The following DLGAP2 variants were observed in gnomAD, a reference collection of about 807,000 sequenced individuals.
DLGAP2 encodes the protein DLG associated protein 2.
DLGAP2 carries 26 observed loss-of-function variants against 100.3 expected under a neutral mutation model. That is an observed-to-expected ratio of 0.26 (90% confidence interval 0.19 to 0.36). The LOEUF (loss-of-function observed/expected upper bound fraction) is 0.36. Ranked by LOEUF, DLGAP2 falls within the 10% of genes least tolerant of loss-of-function variation. The probability of loss-of-function intolerance (pLI) is 1.00; values close to 1 mark genes in which losing one functional copy is unlikely to be tolerated. For missense variants in DLGAP2, 1,858 were observed against 1,453.2 expected (o/e 1.28, Z -4.53); for synonymous variants, 886 against 630.1 (o/e 1.41, Z -6.08).
At chr8:1,350,222 T>G in intron 3 of DLGAP2, among the ~76,000 whole-genome samples, 1 of 142,836 alleles carries the variant, frequency 7.0e-6, no homozygotes, top group African/African-American at 2.6e-5. Flanking sequence ...GCCGTGCGGG[T>G]CCTGAGTGTG....
At chr8:993,843 G>A (rs906167213) in intron 2 of DLGAP2, among the ~76,000 whole-genome samples, 1 of 142,660 alleles carries the variant, frequency 7.0e-6, no homozygotes. Flanking sequence ...TTTCTGTTGA[G>A]GGCCTTTCTA....
At chr8:1,507,058 A>G (rs1799945400) in intron 4 of DLGAP2, among the ~76,000 whole-genome samples, 2 of 152,364 alleles carry the variant, frequency 1.3e-5, no homozygotes, top group South Asian at 2.1e-4. Flanking sequence ...AGCTACACAT[A>G]AAAGTTCTCC....
chr8:848,922 GCGGTGCCTGTTC>G (rs2128987193), intron 1 of DLGAP2, among the ~76,000 whole-genome samples: 1 of 149,690 alleles, frequency 6.7e-6, no homozygotes, highest in Non-Finnish European at 1.5e-5. Context: ...ATAGGAACGC[GCGGTGCCTGTTC>G]CAGCATAGGA....
chr8:1,023,646 C>A (rs555753842), intron 2 of DLGAP2, among the ~76,000 whole-genome samples: 6 of 151,650 alleles, frequency 4.0e-5, no homozygotes, highest in Non-Finnish European at 5.9e-5. Flanking sequence ...TTGTTCCCCA[C>A]GTGTGGCTCA....
intron 3 of DLGAP2, among the ~76,000 whole-genome samples, chr8:1,292,640 AC>A (rs1289447815): frequency 2.6e-5 from 4 of 152,220 alleles, no homozygotes; most frequent in Admixed American, 6.5e-5. Flanking sequence ...ATATTCTGTT[AC>A]CCAATGTAAC....
intron 1 of DLGAP2, among the ~76,000 whole-genome samples, chr8:863,328 T>G (rs1202125903): frequency 6.6e-6 from 1 of 152,140 alleles, no homozygotes; most frequent in African/African-American, 2.4e-5. Flanking sequence ...ATTGATGGAG[T>G]GCTAGATTGC....
chr8:1,472,325 A>C (rs1446547085), intron 3 of DLGAP2, among the ~76,000 whole-genome samples: 1 of 152,238 alleles, frequency 6.6e-6, no homozygotes, highest in African/African-American at 2.4e-5. Flanking sequence ...CCAGGGGCGC[A>C]GGTGCCATCA....
intron 5 of DLGAP2, among the ~76,000 whole-genome samples, chr8:1,555,912 G>C (rs768274854): frequency 6.6e-6 from 1 of 152,234 alleles, no homozygotes; most frequent in Non-Finnish European, 1.5e-5. Flanking sequence ...GCCTCCGTTT[G>C]TGGTGAGATT....
At chr8:759,106 C>G (rs74410078) in intron 1 of DLGAP2, among the ~76,000 whole-genome samples, 1 of 18,068 alleles carries the variant, frequency 5.5e-5, no homozygotes, top group African/African-American at 1.3e-4. Context: ...TCAATACCCC[C>G]GACAGCCTTC....
At chr8:1,639,490 T>C (rs6558502) in intron 8 of DLGAP2, among the ~76,000 whole-genome samples, 8,597 of 152,196 alleles carry the variant, frequency 0.056, 283 homozygotes, top group African/African-American at 0.081. Flanking sequence ...TAAGCCCAGG[T>C]TCCTGGTGTC....
intron 1 of DLGAP2, among the ~76,000 whole-genome samples, chr8:796,731 G>T (rs551113431): frequency 6.6e-6 from 1 of 152,170 alleles, no homozygotes; most frequent in Non-Finnish European, 1.5e-5. Context: ...TGACTTTGTG[G>T]TGTATGACGC....
intron 3 of DLGAP2, among the ~76,000 whole-genome samples, chr8:1,495,595 A>T (rs1488014978): frequency 6.6e-6 from 1 of 152,016 alleles, no homozygotes; most frequent in African/African-American, 2.4e-5. Flanking sequence ...GGTGATTGAA[A>T]CGTTTGCCTC....
At chr8:967,800 T>C (rs1481617200) in intron 2 of DLGAP2, among the ~76,000 whole-genome samples, 1 of 89,744 alleles carries the variant, frequency 1.1e-5, no homozygotes, top group Non-Finnish European at 2.1e-5. Flanking sequence ...TATATACACC[T>C]CTTTGTTGAA....
intron 5 of DLGAP2, among the ~76,000 whole-genome samples, chr8:1,561,329 G>A (rs1018406515): frequency 1.4e-4 from 21 of 152,080 alleles, no homozygotes; most frequent in Non-Finnish European, 5.9e-5. Context: ...CCCTTTCAGC[G>A]CGGTCTGTAT....
intron 1 of DLGAP2, among the ~76,000 whole-genome samples, chr8:869,763 A>C (rs2128991400): frequency 6.6e-6 from 1 of 152,314 alleles, no homozygotes; most frequent in South Asian, 2.1e-4. Flanking sequence ...TGTTTCCCCA[A>C]ATCTGGGTCA....
chr8:952,670 T>A (rs1799509204), intron 2 of DLGAP2, among the ~76,000 whole-genome samples: 1 of 152,090 alleles, frequency 6.6e-6, no homozygotes, highest in Non-Finnish European at 1.5e-5. Flanking sequence ...ATAATCAACA[T>A]ATTTCATATT....
chr8:1,231,121 A>G (rs570893395), intron 2 of DLGAP2, among the ~76,000 whole-genome samples: 54 of 152,326 alleles, frequency 3.5e-4, no homozygotes, highest in African/African-American at 1.3e-3. Context: ...CACAGAATCT[A>G]TAAGAAACTT....
intron 2 of DLGAP2, among the ~76,000 whole-genome samples, chr8:1,024,311 C>T (rs1288229710): frequency 1.0e-4 from 12 of 117,884 alleles, no homozygotes; most frequent in South Asian, 2.9e-4. Flanking sequence ...CGTGCCGAGG[C>T]AGACACCCCA....
At chr8:1,628,581 C>G (rs113938495) in intron 7 of DLGAP2, among the ~76,000 whole-genome samples, 1 of 149,868 alleles carries the variant, frequency 6.7e-6, no homozygotes, top group Non-Finnish European at 1.5e-5. Flanking sequence ...CTTGAGCCGA[C>G]CTCACATTCT....
Sources: gnomAD v4.1 joint callset for allele counts (sites outside exome capture counted in the v4.1 genomes callset) on GRCh38, gnomAD v4.1.1 for gene constraint, MANE v1.5 for transcripts, NCBI Gene and HGNC (gene_info 2026-07-23, HGNC 2026-07-21) for gene names.